Variants in TNS3 observed in about 807,000 individuals in gnomAD.
TNS3 encodes tensin 3.
TNS3 carries 45 observed loss-of-function variants against 140.9 expected under a neutral mutation model. That is an observed-to-expected ratio of 0.32 (90% confidence interval 0.25 to 0.41). TNS3 has a LOEUF of 0.41. Ranked by LOEUF, TNS3 falls within the 10% of genes least tolerant of loss-of-function variation. TNS3 has a pLI of 1.00. For synonymous variants in TNS3, 815 were observed against 788.4 expected, an observed-to-expected ratio of 1.03 and a Z score of -0.56; for missense variants, 1,716 against 1,906.7, an observed-to-expected ratio of 0.90 and a Z score of 1.86.
intron 10 of TNS3, among the ~76,000 whole-genome samples, chr7:47,420,065 T>C (rs1216118199): frequency 6.6e-6 from 1 of 152,218 alleles, no homozygotes; most frequent in Non-Finnish European, 1.5e-5. Flanking sequence ...ATGAACCCAT[T>C]TGTCGGTTAC....
At chr7:47,367,507 C>G (rs571762625) in intron 17 of TNS3, among the ~76,000 whole-genome samples, 2 of 152,356 alleles carry the variant, frequency 1.3e-5, no homozygotes, top group South Asian at 4.1e-4. Flanking sequence ...CTGGTTCCTC[C>G]CAGGCCTCAA....
At chr7:47,412,037 G>C (rs1010370137) in intron 12 of TNS3, among the ~76,000 whole-genome samples, 3 of 152,144 alleles carry the variant, frequency 2.0e-5, no homozygotes, top group Admixed American at 1.3e-4. Context: ...AAGTGACTAA[G>C]GTCCAACTCC....
At chr7:47,330,908 C>A (rs1562600336) in intron 20 of TNS3, among the ~76,000 whole-genome samples, 1 of 152,174 alleles carries the variant, frequency 6.6e-6, no homozygotes. Flanking sequence ...ACCAGCCTCA[C>A]GGGTCCTACA....
intron 20 of TNS3, among the ~76,000 whole-genome samples, chr7:47,312,816 G>A (rs890922485): frequency 1.3e-5 from 2 of 151,946 alleles, no homozygotes; most frequent in Non-Finnish European, 2.9e-5. Context: ...ACACCAACAT[G>A]GCACATGTAC....
chr7:47,366,647 C>G (rs111599674), intron 17 of TNS3, among the ~76,000 whole-genome samples: 4,988 of 152,084 alleles, frequency 0.033, 275 homozygotes, highest in African/African-American at 0.11. Context: ...CTGCAGTCCT[C>G]ACCTGTGTGA....
chr7:47,527,076 C>CAA (rs5884014), intron 2 of TNS3, among the ~76,000 whole-genome samples: 41,021 of 148,020 alleles, frequency 0.28, 6,541 homozygotes, highest in South Asian at 0.4. Flanking sequence ...ATTAAAAATA[C>CAA]AAAAAAAAAA....
At chr7:47,553,317 T>C (rs10807946) in intron 1 of TNS3, among the ~76,000 whole-genome samples, 150,455 of 152,346 alleles carry the variant, frequency 0.99, 74,328 homozygotes, top group Non-Finnish European at 1. Flanking sequence ...TATTAGAAGA[T>C]GCCACCTAGG....
intron 1 of TNS3, among the ~76,000 whole-genome samples, chr7:47,570,878 A>T (rs1800536122): frequency 6.6e-6 from 1 of 151,780 alleles, no homozygotes; most frequent in Admixed American, 6.6e-5. Flanking sequence ...ATTCAGATTT[A>T]ATGAGGACAG....
Position 47,277,913 on chromosome 7 carries a change from T to C in TNS3, c.*163A>G, listed in dbSNP as rs908823588. Reference sequence around the variant, plus strand: ...CAGGAAAGGCCAATTCACGGTGATGTTGTTTGTTCTTGTTTTTGCAGAGCT... The same window carrying C: ...CAGGAAAGGCCAATTCACGGTGATGCTGTTTGTTCTTGTTTTTGCAGAGCT... On this transcript the variant is annotated 3_prime_UTR_variant, in exon 31 of 31. Transcript: ENST00000311160. The C allele has an allele frequency of 1.6e-5, 13 of 803,268 alleles. No individual in the cohort carries two copies. Among genetic ancestry groups the C allele is most frequent in the Non-Finnish European group, 2.8e-5 (13 of 472,048 alleles). 49.8% of individuals were successfully genotyped at this position (803,268 alleles called of 1,614,324 possible). A position where few individuals can be genotyped will look rare whatever the true frequency, so the allele number is the denominator to read the frequency against.
At chr7:47,396,516 T>C (rs752981547) in intron 16 of TNS3, 13 of 438,962 alleles carry the variant, frequency 3.0e-5, no homozygotes, top group Middle Eastern at 1.3e-3. Flanking sequence ...GCATTATACA[T>C]ACACACAAGT....
At position 47,544,818 on chromosome 7, in the gene TNS3, G is replaced by A. The variant is rs114236873; in HGVS notation, c.-264-15671C>T. On this transcript the variant is annotated intron_variant, in intron 1 of 30. Transcript: ENST00000311160. ...ATGAGCTGCCCCACCTATTCTAACC[G>A]AAAATGAGAACATAGGAAACTGTCT... Among the ~76,000 whole-genome samples, 929 of 152,102 alleles carry A rather than the reference G, an allele frequency of 6.1e-3. 8 individuals carry two copies. Among genetic ancestry groups the A allele is most frequent in the African/African-American group, 0.021 (883 of 41,490 alleles).
intron 1 of TNS3, among the ~76,000 whole-genome samples, chr7:47,569,017 G>A: frequency 6.6e-6 from 1 of 152,226 alleles, no homozygotes. Flanking sequence ...GATCTGAGCA[G>A]TTGCTCATCT....
At chr7:47,482,043 T>TG (rs1797439861) in intron 3 of TNS3, among the ~76,000 whole-genome samples, 1 of 152,314 alleles carries the variant, frequency 6.6e-6, no homozygotes, top group Non-Finnish European at 1.5e-5. Context: ...TGCGCTGCTC[T>TG]GGGGGGCCGC....
At chr7:47,304,745 A>G (rs1422877483) in intron 21 of TNS3, 87 bp downstream of exon 21, 2 of 1,254,134 alleles carry the variant, frequency 1.6e-6, no homozygotes, top group Non-Finnish European at 2.0e-6. Flanking sequence ...TTCTCTGAAG[A>G]GCAAGCCCCC....
rs866439117 is a variant in TNS3, at chr7:47,425,677, T to A, written c.390-1493A>T. Among the ~76,000 whole-genome samples, 4 of 152,288 alleles carry A rather than the reference T, an allele frequency of 2.6e-5. No individual in the cohort carries two copies. The Middle Eastern group carries it at 0.014, about 518-fold the overall frequency. ...TTTTAAGCATTCCTTTTTCTGAAAT[T>A]TACTTGTTTTATTAAATGCTGAGAA... On this transcript the variant is annotated intron_variant, in intron 9 of 30. Transcript: ENST00000311160.
At chr7:47,318,647 C>T (rs1787550602) in intron 20 of TNS3, among the ~76,000 whole-genome samples, 3 of 152,170 alleles carry the variant, frequency 2.0e-5, no homozygotes. Flanking sequence ...AACCCACAAA[C>T]AGAGGAAGTA....
chr7:47,335,049 G>A (rs184089108), intron 20 of TNS3, among the ~76,000 whole-genome samples: 1 of 152,244 alleles, frequency 6.6e-6, no homozygotes, highest in East Asian at 1.9e-4. Flanking sequence ...TTTGCTTATA[G>A]GGGAGACTTG....
At chr7:47,307,166 C>T (rs1786809478) in intron 20 of TNS3, among the ~76,000 whole-genome samples, 2 of 152,206 alleles carry the variant, frequency 1.3e-5, no homozygotes, top group Admixed American at 6.5e-5. Context: ...CCAAGAGTTT[C>T]CTCCAGCCCC....
At chr7:47,492,727 A>T (rs1167668513) in intron 3 of TNS3, among the ~76,000 whole-genome samples, 1 of 152,234 alleles carries the variant, frequency 6.6e-6, no homozygotes, top group Non-Finnish European at 1.5e-5. Context: ...GTAACACTAA[A>T]ACAAAGCACA....
Sources: allele counts gnomAD v4.1 joint callset (sites outside exome capture counted in the v4.1 genomes callset), GRCh38; gene constraint gnomAD v4.1.1; transcripts MANE v1.5; gene names NCBI Gene and HGNC (gene_info 2026-07-23, HGNC 2026-07-21).